Variants in ARL3 observed in about 807,000 individuals in gnomAD.
ARL3 encodes ADP-ribosylation factor-like protein 3.
Under a neutral mutation model 26.0 loss-of-function variants are expected in ARL3, and 9 were observed. That is an observed-to-expected ratio of 0.35 (90% CI 0.21 to 0.60). The LOEUF is 0.60. Ranked by LOEUF, ARL3 falls within the 20% of genes least tolerant of loss-of-function variation. The pLI is 0.78. For missense variants in ARL3, 158 were observed against 215.7 expected (o/e 0.73, Z 1.67); for synonymous variants, 71 against 78.4 (o/e 0.91, Z 0.50).
intron 1 of ARL3, among the ~76,000 whole-genome samples, chr10:102,709,011 C>T (rs1215892235): frequency 4.0e-5 from 6 of 149,416 alleles, no homozygotes; most frequent in African/African-American, 1.2e-4. Context: ...CTCAGGTGAT[C>T]CTTCCACCTC....
intron 2 of ARL3, among the ~76,000 whole-genome samples, chr10:102,704,151 C>CAA (rs56326932): frequency 0.27 from 12,165 of 44,564 alleles, 1,229 homozygotes; most frequent in Non-Finnish European, 0.31. Flanking sequence ...ACTCTGTCTC[C>CAA]AAAAAAAAAA....
chr10:102,689,639 C>T (rs1004160599), intron 4 of ARL3, among the ~76,000 whole-genome samples: 2 of 152,044 alleles, frequency 1.3e-5, no homozygotes, highest in Non-Finnish European at 2.9e-5. Flanking sequence ...CAAGACCAGC[C>T]TGACCAATGT....
At chr10:102,690,599 T>C (rs2064211970) in intron 3 of ARL3, among the ~76,000 whole-genome samples, 1 of 152,164 alleles carries the variant, frequency 6.6e-6, no homozygotes, top group Non-Finnish European at 1.5e-5. Context: ...TTTGTTTAAA[T>C]TATGTTAAGT....
In ARL3 at chr10:102,713,816, G is replaced by A. The variant is rs28365881; in HGVS notation, c.3+457C>T. Among the ~76,000 whole-genome samples, 206 of 152,350 alleles carry A rather than the reference G, an allele frequency of 1.4e-3. 1 individual carries two copies. In the East Asian group the frequency reaches 0.037, roughly 28 times the overall value. On this transcript the variant is annotated intron_variant, in intron 1 of 5. Coordinates refer to ENST00000260746, the MANE Select transcript of ARL3 (RefSeq NM_004311.4). Reference sequence around the variant, plus strand: ...CTACCATCTCCCCTGCTACCGCCAGGGCGACCTCAGAGCCAATGGGGCCGG... The same window carrying A: ...CTACCATCTCCCCTGCTACCGCCAGAGCGACCTCAGAGCCAATGGGGCCGG...
rs1165312264 is a variant in ARL3 at position 102,675,704 on chromosome 10, G to C, written c.*1190C>G. Reference sequence around the variant, plus strand: ...ACGGACATTCTGCTGCAGAGAGGCAGAGGAGCCCAGCAGCTGGGGTGACTC... The same window carrying C: ...ACGGACATTCTGCTGCAGAGAGGCACAGGAGCCCAGCAGCTGGGGTGACTC... On this transcript the variant is annotated 3_prime_UTR_variant, in exon 6 of 6. Transcript: ENST00000260746. The C allele has an allele frequency of 6.6e-6, 1 of 152,224 alleles. No individual in the cohort carries two copies. The highest frequency in any genetic ancestry group is 6.5e-5 in the Admixed American group (1 of 15,270). The allele number at this position is 152,224 out of a possible 1,614,324, so 9.4% of individuals were successfully genotyped here.
chr10:102,712,793 T>A (rs1277018665), intron 1 of ARL3, among the ~76,000 whole-genome samples: 3 of 151,822 alleles, frequency 2.0e-5, no homozygotes, highest in Admixed American at 6.6e-5. Context: ...TAAATATTTA[T>A]GTTTGTACTC....
intron 3 of ARL3, among the ~76,000 whole-genome samples, chr10:102,697,158 T>TA (rs1420302957): frequency 6.6e-6 from 1 of 152,088 alleles, no homozygotes; most frequent in African/African-American, 2.4e-5. Context: ...CTAGGTAATA[T>TA]AAATTTTTCA....
chr10:102,696,348 C>T (rs946074564), intron 3 of ARL3, among the ~76,000 whole-genome samples: 2 of 150,806 alleles, frequency 1.3e-5, no homozygotes, highest in African/African-American at 2.4e-5. Context: ...TCACTGCAAC[C>T]TGCACCTCCC....
At chr10:102,700,393 A>C (rs2064273278) in intron 2 of ARL3, among the ~76,000 whole-genome samples, 1 of 82,990 alleles carries the variant, frequency 1.2e-5, no homozygotes, top group Non-Finnish European at 2.2e-5. Flanking sequence ...TGGGCGACAG[A>C]GTGAGATTCC....
At chr10:102,694,901 T>A (rs1339094697) in intron 3 of ARL3, among the ~76,000 whole-genome samples, 1 of 152,188 alleles carries the variant, frequency 6.6e-6, no homozygotes, top group Admixed American at 6.5e-5. Context: ...GTATTTTTAA[T>A]ACAGATGGGG....
intron 1 of ARL3, among the ~76,000 whole-genome samples, chr10:102,708,898 ATATATATATAT>A (rs1191425546): frequency 1.8e-5 from 2 of 110,874 alleles, no homozygotes; most frequent in Non-Finnish European, 3.8e-5. Flanking sequence ...ATATATATAT[ATATATATATAT>A]TTTTTTTTTT....
chr10:102,678,493 TC>T (rs2064141026), intron 5 of ARL3, among the ~76,000 whole-genome samples: 1 of 152,162 alleles, frequency 6.6e-6, no homozygotes, highest in Non-Finnish European at 1.5e-5. Context: ...GCATCTTCTC[TC>T]GCCTGGGAAG....
rs553920734 is a variant in ARL3, at chr10:102,700,398, G to GC, written c.148-910_148-909insG. Among the ~76,000 whole-genome samples the GC allele has an allele frequency of 7.1e-3, 257 of 36,086 alleles. 2 individuals carry two copies. The highest frequency in any genetic ancestry group is 0.043 in the Middle Eastern group (2 of 46). The allele number at this position is 36,086 out of a possible 152,430, so 23.7% of individuals were successfully genotyped here. ...CACTCTGGCCTGGGCGACAGAGTGA[G>GC]ATTCCATCTCAAAAAAAAAAAAAGT... On this transcript the variant is annotated intron_variant, in intron 2 of 5. Transcript: ENST00000260746.
At chr10:102,707,865 T>C (rs552494657) in intron 1 of ARL3, among the ~76,000 whole-genome samples, 70 of 152,306 alleles carry the variant, frequency 4.6e-4, no homozygotes, top group African/African-American at 1.6e-3. Context: ...ATTGAATAGA[T>C]TGGAAACAAA....
chr10:102,673,939 C>G lies in ARL3; in HGVS notation c.*2955G>C, dbSNP rs370832261. On this transcript the variant is annotated 3_prime_UTR_variant, in exon 6 of 6. Transcript: ENST00000260746. ...ATAAAAGGAAGTAAGAACTGGTCCC[C>G]GAGAAGGAAAGGAAAGGGAAATCAA... is the stretch of plus-strand genomic sequence containing the variant. The G allele has an allele frequency of 6.6e-6, 1 of 152,368 alleles. No individual in the cohort carries two copies. The highest frequency in any genetic ancestry group is 2.1e-4 in the South Asian group (1 of 4,790). 9.4% of individuals were successfully genotyped at this position (152,368 alleles called of 1,614,324 possible). A position where few individuals can be genotyped will look rare whatever the true frequency, so the allele number is the denominator to read the frequency against.
At chr10:102,692,991 C>T (rs200615023) in intron 3 of ARL3, among the ~76,000 whole-genome samples, 5 of 152,360 alleles carry the variant, frequency 3.3e-5, no homozygotes, top group South Asian at 4.1e-4. Flanking sequence ...CCACCGCACC[C>T]GGCCCCTCTG....
chr10:102,689,676 A>C (rs528575352), intron 4 of ARL3, among the ~76,000 whole-genome samples: 2 of 152,098 alleles, frequency 1.3e-5, no homozygotes, highest in South Asian at 4.2e-4. Context: ...TACTAAAAAT[A>C]CAAAATTAGC....
At position 102,676,884 on chromosome 10, in the gene ARL3, C is replaced by T. The variant is rs8354; in HGVS notation, c.*10G>A. On this transcript the variant is annotated 3_prime_UTR_variant, in exon 6 of 6. Transcript: ENST00000260746. The stretch of plus-strand genomic sequence containing the variant: ...CTCCCGCAGCTCCTGCATCTCCATT[C>T]GTCTAGATTTTATTTCTTCTTTGCA... 0.11 allele frequency: 171,333 copies of T among 1,613,432 alleles called. 14,039 individuals are homozygous for T. The highest frequency in any genetic ancestry group is 0.44 in the East Asian group (19,692 of 44,854).
chr10:102,693,251 T>A (rs1270213766), intron 3 of ARL3, among the ~76,000 whole-genome samples: 2 of 152,216 alleles, frequency 1.3e-5, no homozygotes, highest in African/African-American at 4.8e-5. Flanking sequence ...TGTTTAGCTT[T>A]GTAAGAAACT....
Sources: allele counts gnomAD v4.1 joint callset (sites outside exome capture counted in the v4.1 genomes callset), GRCh38; gene constraint gnomAD v4.1.1; transcripts MANE v1.5; gene names NCBI Gene and HGNC (gene_info 2026-07-23, HGNC 2026-07-21).